Variants in RAET1G observed in about 807,000 individuals in gnomAD.
RAET1G encodes retinoic acid early transcript 1G.
RAET1G carries 25 observed loss-of-function variants against 29.5 expected under a neutral mutation model. That is an observed-to-expected ratio of 0.85 (90% CI 0.62 to 1.18). The LOEUF is 1.18. Among genes scored for constraint, RAET1G ranks in the 50% most tolerant of loss-of-function variants. The pLI is 0.00. For synonymous variants in RAET1G, 167 were observed against 159.5 expected (o/e 1.05, Z -0.36); for missense variants, 434 against 423.6 (o/e 1.02, Z -0.22).
In RAET1G at chr6:149,919,636, G is replaced by T; in HGVS notation, c.266C>A (p.Ala89Glu). The change falls in exon 2 of 5, where the codon GCA (alanine) becomes GAA (glutamate). Residue 89 changes from alanine (A) to glutamate (E), a missense_variant. Ala to Glu is a moderately radical substitution (Grantham distance 107). Coordinates refer to ENST00000367360, the MANE Select transcript of RAET1G (RefSeq NM_001001788.4). ...KKLNVTTAWKAQNPVLREVVD... is the reference protein window; with the variant it reads ...KKLNVTTAWKEQNPVLREVVD... ...CACCTCTCTCAGTACTGGGTTCTGT[G>T]CTTTCCAGGCCGTTGTGACATTTAG... The T allele has an allele frequency of 6.2e-7, 1 of 1,614,026 alleles. No individual in the cohort carries two copies. The highest frequency in any genetic ancestry group is 8.5e-7 in the Non-Finnish European group (1 of 1,179,884).
intron 1 of RAET1G, among the ~76,000 whole-genome samples, chr6:149,920,418 G>T (rs1778572858): frequency 6.6e-6 from 1 of 152,154 alleles, no homozygotes; most frequent in Non-Finnish European, 1.5e-5. Flanking sequence ...TAGACGGAGG[G>T]ATCACAGGCT....
At chr6:149,922,744 G>C (rs1778622977) in intron 1 of RAET1G, among the ~76,000 whole-genome samples, 182 bp downstream of exon 1, 1 of 152,120 alleles carries the variant, frequency 6.6e-6, no homozygotes. Context: ...TCCTCCCCTC[G>C]GAGGATAAGT....
intron 1 of RAET1G, among the ~76,000 whole-genome samples, chr6:149,922,441 G>C (rs990508395): frequency 2.6e-5 from 4 of 152,120 alleles, no homozygotes; most frequent in African/African-American, 9.7e-5. Context: ...AAAGTGCAGG[G>C]AAAAATTCAA....
In RAET1G at chr6:149,918,194, C is replaced by T. The variant is rs17079029; in HGVS notation, c.822G>A (p.Arg274=). ...CATACCTGTCACTCCAAAGGACTCT[C>T]CTCAGCAGCCAGGTAGGATGAAGCA... The part of the protein sequence containing the change: ...PPLLHPTWLL[R]RVLWSDSYQI... Residue 274 remains arginine (R), a synonymous_variant, in exon 4 of 5, where the codon AGG becomes AGA. Transcript: ENST00000367360. 0.15 allele frequency: 237,568 copies of T among 1,613,768 alleles called. 22,388 individuals are homozygous for T. Among genetic ancestry groups the T allele is most frequent in the East Asian group, 0.55 (24,749 of 44,840 alleles).
At chr6:149,919,374 C>T in intron 2 of RAET1G, 50 bp from the exon 3 acceptor site, 1 of 1,597,502 alleles carries the variant, frequency 6.3e-7, no homozygotes, top group African/African-American at 1.3e-5. Flanking sequence ...ATATTGAGCC[C>T]CCATCCTCTT....
chr6:149,922,879 C>G, intron 1 of RAET1G, 47 bp downstream of exon 1: 1 of 1,395,886 alleles, frequency 7.2e-7, no homozygotes, highest in Non-Finnish European at 9.9e-7. Flanking sequence ...GTCCACAGCC[C>G]CCCACGGTTG....
chr6:149,921,602 C>G (rs1246537059), intron 1 of RAET1G, among the ~76,000 whole-genome samples: 1 of 152,186 alleles, frequency 6.6e-6, no homozygotes, highest in African/African-American at 2.4e-5. Context: ...CAGGACACCA[C>G]GTGGCTGCAC....
At chr6:149,920,755 A>G (rs1041220348) in intron 1 of RAET1G, among the ~76,000 whole-genome samples, 1 of 152,236 alleles carries the variant, frequency 6.6e-6, no homozygotes, top group African/African-American at 2.4e-5. Context: ...TGCCAGCTGG[A>G]GACCTCAGTC....
At chr6:149,921,543 T>G in intron 1 of RAET1G, among the ~76,000 whole-genome samples, 1 of 152,222 alleles carries the variant, frequency 6.6e-6, no homozygotes, top group East Asian at 1.9e-4. Context: ...TGGGCAGAAG[T>G]AGGGCCACAG....
intron 3 of RAET1G, 106 bp from the exon 4 acceptor site, chr6:149,918,490 G>T (rs1216123671): frequency 1.6e-5 from 21 of 1,304,514 alleles, no homozygotes; most frequent in Non-Finnish European, 2.2e-5. Context: ...CAGAGGTTTT[G>T]TCCCCTCTGC....
At position 149,919,769 on chromosome 6, in the gene RAET1G, G is replaced by A; in HGVS notation, c.133C>T (p.Pro45Ser). 1 of 1,612,498 alleles carries A rather than the reference G, an allele frequency of 6.2e-7. No individual in the cohort carries two copies. Among genetic ancestry groups the A allele is most frequent in the Non-Finnish European group, 8.5e-7 (1 of 1,179,866 alleles). Residue 45 changes from proline (P) to serine (S), a missense_variant, in exon 2 of 5, where the codon CCT becomes TCT. Transcript: ENST00000367360. The part of the protein sequence containing the change: ...YDITVIPKFR[P>S]GPRWCAVQGQ... ...TGAACCGCACACCACCGTGGTCCAG[G>A]TCTGAACTTAGGGATGACGGTGATG...
intron 1 of RAET1G, among the ~76,000 whole-genome samples, chr6:149,921,970 C>A (rs1326035797): frequency 6.6e-6 from 1 of 152,096 alleles, no homozygotes; most frequent in African/African-American, 2.4e-5. Context: ...GGACTGGACA[C>A]TGAGACGGAG....
Position 149,918,184 on chromosome 6 carries a change from A to G in RAET1G, c.832T>C (p.Trp278Arg), listed in dbSNP as rs1778493547. Reference protein sequence around the residue: ...HPTWLLRRVLWSDSYQIAKRP... With the variant: ...HPTWLLRRVLRSDSYQIAKRP... Reference sequence around the variant, plus strand: ...ATTCTGCCCCCATACCTGTCACTCCAAAGGACTCTCCTCAGCAGCCAGGTA... The same window carrying G: ...ATTCTGCCCCCATACCTGTCACTCCGAAGGACTCTCCTCAGCAGCCAGGTA... Residue 278 changes from tryptophan (W) to arginine (R), a missense_variant, in exon 4 of 5, where the codon TGG becomes CGG. Trp to Arg is a moderately radical substitution (Grantham distance 101, BLOSUM62 -3). Transcript: ENST00000367360. 6.2e-7 allele frequency: 1 copy of G among 1,614,002 alleles called. No homozygotes were observed. Among genetic ancestry groups the G allele is most frequent in the East Asian group, 2.2e-5 (1 of 44,870 alleles).
chr6:149,921,532 A>T (rs1279617489), intron 1 of RAET1G, among the ~76,000 whole-genome samples: 1 of 152,164 alleles, frequency 6.6e-6, no homozygotes, highest in African/African-American at 2.4e-5. Flanking sequence ...TTCTCCTGGG[A>T]TGGGCAGAAG....
At chr6:149,920,324 A>C (rs936919876) in intron 1 of RAET1G, among the ~76,000 whole-genome samples, 17 of 152,286 alleles carry the variant, frequency 1.1e-4, no homozygotes, top group South Asian at 8.3e-4. Context: ...CTCATCTACT[A>C]TGAGGATGCC....
At chr6:149,918,448 C>G (rs758435620) in intron 3 of RAET1G, 64 bp from the exon 4 acceptor site, 1 of 1,544,766 alleles carries the variant, frequency 6.5e-7, no homozygotes, top group Non-Finnish European at 8.9e-7. Flanking sequence ...GATGCCTCCT[C>G]AGCTCCTGCT....
intron 1 of RAET1G, among the ~76,000 whole-genome samples, chr6:149,921,461 T>G (rs1010986142): frequency 1.3e-5 from 2 of 152,102 alleles, no homozygotes; most frequent in Non-Finnish European, 2.9e-5. Flanking sequence ...CCATTACGGG[T>G]GGGCTCCTCA....
At chr6:149,922,215 GGT>G (rs1778613104) in intron 1 of RAET1G, among the ~76,000 whole-genome samples, 1 of 152,138 alleles carries the variant, frequency 6.6e-6, no homozygotes, top group Non-Finnish European at 1.5e-5. Context: ...GGGAGCTTGG[GGT>G]GTGTTTGCTG....
In RAET1G at chr6:149,918,969, A is replaced by T. The variant is rs1562479100; in HGVS notation, c.631+74T>A. 1.9e-6 allele frequency: 3 copies of T among 1,592,366 alleles called. No homozygotes were observed. In the Admixed American group the frequency reaches 5.2e-5, roughly 27 times the overall value. Reference sequence around the variant, plus strand: ...GTGTACACTGGGATGATTGAAGCTGAACTCAAGAATTAGTTTCTTGAGATC... The same window carrying T: ...GTGTACACTGGGATGATTGAAGCTGTACTCAAGAATTAGTTTCTTGAGATC... On this transcript the variant is annotated intron_variant, in intron 3 of 4. Coordinates refer to ENST00000367360, the MANE Select transcript of RAET1G (RefSeq NM_001001788.4).
Sources: gnomAD v4.1 joint callset for allele counts (sites outside exome capture counted in the v4.1 genomes callset) on GRCh38, gnomAD v4.1.1 for gene constraint, MANE v1.5 for transcripts, NCBI Gene and HGNC (gene_info 2026-07-23, HGNC 2026-07-21) for gene names.